SCN3A: variants seen among roughly 807,000 people sequenced by gnomAD.
SCN3A encodes the protein sodium voltage-gated channel alpha subunit 3.
SCN3A carries 60 observed loss-of-function variants against 187.6 expected under a neutral mutation model. The observed-to-expected ratio is 0.32, with a 90% CI of 0.26 to 0.40. The LOEUF (loss-of-function observed/expected upper bound fraction) is 0.40, where lower values mean the gene tolerates loss of function less well. Ranked by LOEUF, SCN3A falls within the 10% of genes least tolerant of loss-of-function variation. The pLI, the probability that SCN3A is intolerant of heterozygous loss-of-function variation, is 1.00. For missense variants in SCN3A, 1,601 were observed against 2,428.2 expected (o/e 0.66, Z 7.16); for synonymous variants, 788 against 829.2 (o/e 0.95, Z 0.85).
intron 18 of SCN3A, among the ~76,000 whole-genome samples, chr2:165,117,552 C>T (rs1686431707): frequency 6.6e-6 from 1 of 151,996 alleles, no homozygotes; most frequent in Admixed American, 6.6e-5. Flanking sequence ...CCAAAAGATC[C>T]AGTGTATCAC....
chr2:165,100,064 A>G (rs1574106310), intron 22 of SCN3A, among the ~76,000 whole-genome samples: 1 of 152,168 alleles, frequency 6.6e-6, no homozygotes, highest in African/African-American at 2.4e-5. Flanking sequence ...GTAGAAACAT[A>G]TTTGAACTGT....
intron 5 of SCN3A, among the ~76,000 whole-genome samples, chr2:165,167,457 A>G (rs1452561564): frequency 6.6e-6 from 1 of 152,146 alleles, no homozygotes; most frequent in Non-Finnish European, 1.5e-5. Flanking sequence ...TAAAAACGGA[A>G]CTAAAAGTGG....
intron 1 of SCN3A, among the ~76,000 whole-genome samples, chr2:165,200,754 T>G (rs573657575): frequency 2.0e-5 from 3 of 152,124 alleles, no homozygotes; most frequent in African/African-American, 7.2e-5. Flanking sequence ...TTAGGAGGCC[T>G]GGGGTGCTGA....
intron 25 of SCN3A, 143 bp from the exon 26 acceptor site, chr2:165,094,621 A>G: frequency 1.5e-6 from 1 of 651,468 alleles, no homozygotes; most frequent in Non-Finnish European, 2.7e-6. Flanking sequence ...TTTCCCATTT[A>G]TGTGAAATTC....
At chr2:165,198,576 T>G (rs1392279369) in intron 1 of SCN3A, among the ~76,000 whole-genome samples, 2 of 152,036 alleles carry the variant, frequency 1.3e-5, no homozygotes, top group Non-Finnish European at 2.9e-5. Context: ...TTTTTCAGCT[T>G]CTTCAGGGAA....
intron 5 of SCN3A, among the ~76,000 whole-genome samples, chr2:165,166,949 G>C (rs1186492675): frequency 6.6e-6 from 1 of 151,680 alleles, no homozygotes; most frequent in African/African-American, 2.4e-5. Context: ...GTCCAGGCTG[G>C]AATGCAGTGG....
intron 1 of SCN3A, among the ~76,000 whole-genome samples, chr2:165,201,114 C>T (rs76943521): frequency 3.3e-4 from 50 of 152,004 alleles, no homozygotes; most frequent in African/African-American, 1.1e-3. Flanking sequence ...CTTAAGGCAA[C>T]GTGAAATAAG....
At chr2:165,176,712 A>T (rs778171561) in intron 2 of SCN3A, among the ~76,000 whole-genome samples, 8 of 152,150 alleles carry the variant, frequency 5.3e-5, no homozygotes, top group Non-Finnish European at 1.2e-4. Flanking sequence ...TAATATATAA[A>T]CATTATATTT....
Position 165,097,304 on chromosome 2 carries a change from A to C in SCN3A, c.4187T>G (p.Val1396Gly), listed in dbSNP as rs1011683871. Residue 1396 changes from valine (V) to glycine (G), a missense_variant, in exon 23 of 28, where the codon GTG (valine) becomes GGG (glycine). Around this residue, in one of 11 missense-constraint regions of SCN3A, gnomAD observed 320 missense variants for 623.2 expected, o/e 0.51. Transcript: ENST00000283254. ...ALGKQARWKN[V>G]KVNFDNVGAG... The stretch of plus-strand genomic sequence containing the variant: ...GCCAACATTATCAAAGTTTACTTTC[A>C]CGTTTTTCCACCGAGCTTGCTTGCC... 6 of 1,614,114 alleles carry C rather than the reference A, an allele frequency of 3.7e-6. No individual in the cohort carries two copies. The highest frequency in any genetic ancestry group is 5.1e-6 in the Non-Finnish European group (6 of 1,179,990).
chr2:165,116,943 ATTTTTTTTTT>A (rs11395597), intron 18 of SCN3A, among the ~76,000 whole-genome samples: 1 of 118,208 alleles, frequency 8.5e-6, no homozygotes, highest in Non-Finnish European at 1.7e-5. Context: ...TGATAGCACA[ATTTTTTTTTT>A]TTTTTTTTTT....
intron 21 of SCN3A, among the ~76,000 whole-genome samples, chr2:165,101,539 G>A (rs1402954035): frequency 6.6e-6 from 1 of 151,884 alleles, no homozygotes; most frequent in Admixed American, 6.6e-5. Context: ...TTAACCTTTT[G>A]CATCCATTAA....
intron 19 of SCN3A, among the ~76,000 whole-genome samples, chr2:165,115,236 AT>A (rs35605491): frequency 6.3e-4 from 92 of 145,512 alleles, no homozygotes; most frequent in African/African-American, 8.8e-4. Context: ...TTCTTTCTTT[AT>A]TTTTTTTTTT....
intron 1 of SCN3A, among the ~76,000 whole-genome samples, chr2:165,192,804 T>C (rs1477839246): frequency 6.6e-6 from 1 of 152,146 alleles, no homozygotes; most frequent in East Asian, 1.9e-4. Context: ...CTTCTACATT[T>C]ATTATTAAAT....
chr2:165,189,155 G>A (rs935149555), intron 1 of SCN3A, among the ~76,000 whole-genome samples: 1 of 152,148 alleles, frequency 6.6e-6, no homozygotes, highest in Non-Finnish European at 1.5e-5. Flanking sequence ...CCTAAAAGTT[G>A]TATATAAAAA....
intron 12 of SCN3A, among the ~76,000 whole-genome samples, chr2:165,144,565 G>C (rs1053928989): frequency 6.6e-6 from 1 of 152,092 alleles, no homozygotes; most frequent in Non-Finnish European, 1.5e-5. Flanking sequence ...TTAGAATGCT[G>C]TTCCTTAAGA....
intron 3 of SCN3A, among the ~76,000 whole-genome samples, chr2:165,171,915 A>T (rs1690127171): frequency 6.6e-6 from 1 of 152,102 alleles, no homozygotes; most frequent in South Asian, 2.1e-4. Context: ...TTTTAATTAA[A>T]TGTGGGTTTA....
At chr2:165,178,340 C>T (rs1690603247) in intron 2 of SCN3A, among the ~76,000 whole-genome samples, 1 of 152,102 alleles carries the variant, frequency 6.6e-6, no homozygotes, top group African/African-American at 2.4e-5. Flanking sequence ...GATCCTCCCA[C>T]CTCAGCCTCC....
At position 165,176,274 on chromosome 2, in the gene SCN3A, G is replaced by C. The variant is rs1553539472; in HGVS notation, c.121C>G (p.Gln41Glu). The C allele has an allele frequency of 6.2e-7, 1 of 1,613,926 alleles. No individual in the cohort carries two copies. Among genetic ancestry groups the C allele is most frequent in the South Asian group, 1.1e-5 (1 of 91,078 alleles). The part of the protein sequence containing the change: ...EEKAKKPKKE[Q>E]DNDDENKPKP... ...GGTTTGTTCTCATCATCATTATCTT[G>C]TTCCTTTTTGGGCTTCTTGGCTTTC... The change falls in exon 3 of 28, where the codon CAA becomes GAA. Residue 41 changes from glutamine to glutamate, a missense_variant. Physicochemically the swap from Gln to Glu is conservative, Grantham distance 29. Around this residue, in one of 11 missense-constraint regions of SCN3A, gnomAD observed 74 missense variants for 77.7 expected, o/e 0.95. Transcript: ENST00000283254.
intron 1 of SCN3A, among the ~76,000 whole-genome samples, chr2:165,203,501 G>T (rs1692446822): frequency 6.6e-6 from 1 of 151,918 alleles, no homozygotes; most frequent in South Asian, 2.1e-4. Flanking sequence ...ATGACATACA[G>T]CCAGGAAACT....
Sources: allele counts gnomAD v4.1 joint callset (sites outside exome capture counted in the v4.1 genomes callset), GRCh38; gene constraint gnomAD v4.1.1; regional missense constraint gnomAD v4.1.1; transcripts MANE v1.5; gene names NCBI Gene and HGNC (gene_info 2026-07-23, HGNC 2026-07-21).